The following HCN1 variants were observed in gnomAD, a reference collection of about 807,000 sequenced individuals.
HCN1 encodes hyperpolarization activated cyclic nucleotide gated potassium channel 1.
HCN1 carries 13 observed loss-of-function variants against 78.9 expected under a neutral mutation model. The ratio of observed to expected loss-of-function variants is 0.16; its 90% confidence interval spans 0.11 to 0.26. The LOEUF (loss-of-function observed/expected upper bound fraction) is 0.26, where lower values mean the gene tolerates loss of function less well. Ranked by LOEUF, HCN1 falls within the 10% of genes least tolerant of loss-of-function variation. The pLI is 1.00. For missense variants in HCN1, 810 were observed against 1,154.3 expected, an observed-to-expected ratio of 0.70 and a Z score of 4.32; for synonymous variants, 552 against 455.5, an observed-to-expected ratio of 1.21 and a Z score of -2.70.
intron 6 of HCN1, among the ~76,000 whole-genome samples, chr5:45,292,946 A>T (rs1013229296): frequency 1.3e-5 from 2 of 152,074 alleles, no homozygotes; most frequent in East Asian, 3.9e-4. Flanking sequence ...GTAATATTTT[A>T]AATTTACATA....
intron 2 of HCN1, among the ~76,000 whole-genome samples, chr5:45,512,691 G>A (rs973951972): frequency 9.2e-5 from 14 of 152,140 alleles, no homozygotes; most frequent in African/African-American, 3.4e-4. Context: ...TTCCACAGTA[G>A]CCACGGTTAC....
At chr5:45,462,423 C>A (rs1398355038) in intron 2 of HCN1, among the ~76,000 whole-genome samples, 1 of 151,978 alleles carries the variant, frequency 6.6e-6, no homozygotes, top group African/African-American at 2.4e-5. Flanking sequence ...AAAGAAAATA[C>A]CCAAGGACTG....
Position 45,645,413 on chromosome 5 carries a change from G to A in HCN1, c.621C>T (p.Ile207=), listed in dbSNP as rs1408717115. ...GTVNEDSSEI[I]LDPKVIKMNY... ...TCATCTTGATCACTTTGGGGTCCAG[G>A]ATGATTTCAGAACTGTCTTCATTGA... Residue 207 remains isoleucine, a synonymous_variant, in exon 2 of 8, where the codon ATC becomes ATT. Coordinates refer to ENST00000303230, the MANE Select transcript of HCN1 (RefSeq NM_021072.4). 1.8e-5 allele frequency: 29 copies of A among 1,613,478 alleles called. No homozygotes were observed. Among genetic ancestry groups the A allele is most frequent in the Non-Finnish European group, 2.5e-5 (29 of 1,179,762 alleles).
At chr5:45,347,953 A>C (rs905036190) in intron 5 of HCN1, among the ~76,000 whole-genome samples, 44 of 152,142 alleles carry the variant, frequency 2.9e-4, no homozygotes, top group Admixed American at 4.6e-4. Context: ...AGGATATTAT[A>C]CAGGAGAACT....
chr5:45,666,319 T>C (rs1266279421), intron 1 of HCN1, among the ~76,000 whole-genome samples: 2 of 152,074 alleles, frequency 1.3e-5, no homozygotes, highest in African/African-American at 2.4e-5. Context: ...CAATGAAACA[T>C]AGCAATGTGT....
chr5:45,381,973 T>A (rs1245598517), intron 4 of HCN1, among the ~76,000 whole-genome samples: 1 of 152,210 alleles, frequency 6.6e-6, no homozygotes, highest in Non-Finnish European at 1.5e-5. Context: ...GCTTCAATCC[T>A]ACTGTCCAGC....
At chr5:45,575,535 C>A (rs1228674532) in intron 2 of HCN1, 1 of 151,976 alleles carries the variant, frequency 6.6e-6, no homozygotes, top group African/African-American at 2.4e-5. Flanking sequence ...TGTAACAAAC[C>A]TGCACGTTGC....
chr5:45,463,610 A>G (rs1741209606), intron 2 of HCN1, among the ~76,000 whole-genome samples: 1 of 151,996 alleles, frequency 6.6e-6, no homozygotes. Context: ...TTTTGATATT[A>G]TTCCCTCTGA....
chr5:45,484,212 C>A (rs1018271884), intron 2 of HCN1, among the ~76,000 whole-genome samples: 1 of 152,048 alleles, frequency 6.6e-6, no homozygotes, highest in Non-Finnish European at 1.5e-5. Context: ...GCGGGCAGAT[C>A]ACAAGGTCAG....
At chr5:45,546,586 C>T (rs759932667) in intron 2 of HCN1, among the ~76,000 whole-genome samples, 8 of 151,886 alleles carry the variant, frequency 5.3e-5, no homozygotes, top group Non-Finnish European at 7.4e-5. Flanking sequence ...TCTATTACTT[C>T]GTTTCTTTAT....
intron 1 of HCN1, among the ~76,000 whole-genome samples, chr5:45,667,735 TA>T (rs1162197526): frequency 1.1e-4 from 17 of 151,986 alleles, no homozygotes; most frequent in Non-Finnish European, 2.2e-4. Flanking sequence ...GTAAGGTGAT[TA>T]AGCTTTATAG....
intron 3 of HCN1, among the ~76,000 whole-genome samples, chr5:45,401,812 A>T (rs1001035519): frequency 2.0e-5 from 3 of 152,028 alleles, no homozygotes; most frequent in African/African-American, 7.2e-5. Flanking sequence ...TAAAAATGGT[A>T]TTTGTGTCTG....
intron 4 of HCN1, among the ~76,000 whole-genome samples, chr5:45,377,407 T>C (rs566220260): frequency 6.6e-6 from 1 of 152,126 alleles, no homozygotes; most frequent in East Asian, 1.9e-4. Context: ...AATGTGTTTA[T>C]TAAAAATGAT....
At chr5:45,636,288 T>TC (rs1457038963) in intron 2 of HCN1, among the ~76,000 whole-genome samples, 9 of 152,288 alleles carry the variant, frequency 5.9e-5, no homozygotes, top group African/African-American at 2.2e-4. Flanking sequence ...AAACCAGACT[T>TC]CAAGTTTAAA....
rs144670140 is a variant in HCN1, at chr5:45,275,937, C to G, written c.1619-8684G>C. On this transcript the variant is annotated intron_variant, in intron 6 of 7. Coordinates refer to ENST00000303230, the MANE Select transcript of HCN1 (RefSeq NM_021072.4). Reference sequence around the variant, plus strand: ...CAAGTCGTCAAAAGTTAATCAAACACCTTGAATTATAAATGCCTTTAAAAT... The same window carrying G: ...CAAGTCGTCAAAAGTTAATCAAACAGCTTGAATTATAAATGCCTTTAAAAT... Among the ~76,000 whole-genome samples, 123 of 152,192 alleles carry G rather than the reference C, an allele frequency of 8.1e-4. 1 individual carries two copies. The South Asian group carries it at 0.017, about 22-fold the overall frequency.
chr5:45,526,167 G>A (rs1370356776), intron 2 of HCN1, among the ~76,000 whole-genome samples: 1 of 152,052 alleles, frequency 6.6e-6, no homozygotes, highest in African/African-American at 2.4e-5. Flanking sequence ...GATTGACTAA[G>A]ACATGTCGGC....
chr5:45,581,119 T>C (rs1387215789), intron 2 of HCN1, among the ~76,000 whole-genome samples: 2 of 152,214 alleles, frequency 1.3e-5, no homozygotes, highest in Non-Finnish European at 2.9e-5. Flanking sequence ...CCACACTGAC[T>C]TCCACAATGG....
chr5:45,322,645 G>A (rs1746147083), intron 5 of HCN1, among the ~76,000 whole-genome samples: 1 of 151,798 alleles, frequency 6.6e-6, no homozygotes, highest in Non-Finnish European at 1.5e-5. Context: ...AAAATAATTT[G>A]TAGATGAAAT....
At position 45,405,468 on chromosome 5, in the gene HCN1, G is replaced by A. The variant is rs554093953; in HGVS notation, c.1012-8758C>T. On this transcript the variant is annotated intron_variant, in intron 3 of 7. Coordinates refer to ENST00000303230, the MANE Select transcript of HCN1 (RefSeq NM_021072.4). ...CTCTTCCCTAGGCTGGAGTACATTG[G>A]CACAACTATAGTTCACTGCAGCTGG... is the stretch of plus-strand genomic sequence containing the variant. 2.6e-5 allele frequency among the ~76,000 whole-genome samples: 4 copies of A among 152,156 alleles called. No homozygotes were observed. In the South Asian group the frequency reaches 6.2e-4, roughly 24 times the overall value.
Sources: allele counts gnomAD v4.1 joint callset (sites outside exome capture counted in the v4.1 genomes callset), GRCh38; gene constraint gnomAD v4.1.1; transcripts MANE v1.5; gene names NCBI Gene and HGNC (gene_info 2026-07-23, HGNC 2026-07-21).